Variants in ACAD11 observed in about 807,000 individuals in gnomAD.
ACAD11 encodes acyl-CoA dehydrogenase family member 11.
ACAD11 carries 83 observed loss-of-function variants against 102.2 expected under a neutral mutation model. The ratio of observed to expected loss-of-function variants is 0.81; its 90% CI spans 0.68 to 0.97. ACAD11 has a LOEUF of 0.97. Ranked by LOEUF, ACAD11 falls within the 50% of genes least tolerant of loss-of-function variation. The pLI is 0.00. For missense variants in ACAD11, 901 were observed against 951.7 expected (o/e 0.95, Z 0.70); for synonymous variants, 324 against 319.8 (o/e 1.01, Z -0.14).
intron 17 of ACAD11, among the ~76,000 whole-genome samples, chr3:132,573,104 G>A (rs879629906): frequency 2.3e-4 from 35 of 151,942 alleles, no homozygotes; most frequent in African/African-American, 3.4e-4. Flanking sequence ...AACTGGCCCC[G>A]GTGTGTGTTG....
chr3:132,639,771 A>G, intron 4 of ACAD11, 115 bp from the exon 5 acceptor site: 1 of 901,428 alleles, frequency 1.1e-6, no homozygotes, highest in Non-Finnish European at 1.7e-6. Context: ...CTTAAGACCC[A>G]TGCTGGTGAT....
chr3:132,566,036 C>G (rs1937198061), intron 17 of ACAD11, among the ~76,000 whole-genome samples: 1 of 152,010 alleles, frequency 6.6e-6, no homozygotes, highest in Non-Finnish European at 1.5e-5. Context: ...AATTTTAAAG[C>G]AGCCATGATA....
intron 17 of ACAD11, 36 bp downstream of exon 17, chr3:132,575,736 G>T: frequency 6.2e-7 from 1 of 1,611,180 alleles, no homozygotes; most frequent in Non-Finnish European, 8.5e-7. Context: ...GTAGTGCACC[G>T]GGCTACAATA....
chr3:132,639,990 A>ACT (rs565350090), intron 4 of ACAD11, among the ~76,000 whole-genome samples: 22 of 149,118 alleles, frequency 1.5e-4, no homozygotes, highest in South Asian at 1.3e-3. Flanking sequence ...GCACACACAC[A>ACT]CTCTCTCTCA....
intron 13 of ACAD11, among the ~76,000 whole-genome samples, chr3:132,599,596 GAAGAGTGCAGATT>G (rs1938478421): frequency 6.6e-6 from 1 of 152,164 alleles, no homozygotes; most frequent in Non-Finnish European, 1.5e-5. Flanking sequence ...CAAATGTGTG[GAAGAGTGCAGATT>G]AAGAGGAGAA....
chr3:132,654,926 T>C (rs967433833), intron 1 of ACAD11, among the ~76,000 whole-genome samples: 3 of 152,234 alleles, frequency 2.0e-5, no homozygotes, highest in African/African-American at 7.2e-5. Flanking sequence ...ACACCTGAGC[T>C]CTGTGGTACA....
At chr3:132,568,801 C>CAAA (rs755568917) in intron 17 of ACAD11, among the ~76,000 whole-genome samples, 1,189 of 68,534 alleles carry the variant, frequency 0.017, 136 homozygotes, top group African/African-American at 0.055. Context: ...CATCCACAGG[C>CAAA]AAAAAAAAAA....
chr3:132,639,353 T>A, intron 5 of ACAD11, 139 bp downstream of exon 5: 3 of 703,868 alleles, frequency 4.3e-6, no homozygotes, highest in Non-Finnish European at 6.5e-6. Context: ...TCTAAAAATT[T>A]TGAGTGGTGA....
chr3:132,641,614 A>G (rs879381694), intron 4 of ACAD11, among the ~76,000 whole-genome samples: 1,467 of 137,310 alleles, frequency 0.011, 28 homozygotes, highest in South Asian at 0.044. Flanking sequence ...AGGAGGAAGA[A>G]GAGGAGGAAG....
intron 11 of ACAD11, among the ~76,000 whole-genome samples, chr3:132,610,491 A>G (rs1011722592): frequency 8.5e-5 from 13 of 152,178 alleles, no homozygotes; most frequent in African/African-American, 3.1e-4. Flanking sequence ...TTAATAAAGA[A>G]GAAAAGAGAG....
At chr3:132,624,647 A>G (rs1049556699) in intron 9 of ACAD11, among the ~76,000 whole-genome samples, 1 of 149,632 alleles carries the variant, frequency 6.7e-6, no homozygotes, top group East Asian at 2.0e-4. Flanking sequence ...CTAGGGCACT[A>G]AATCTCATGT....
Position 132,644,875 on chromosome 3 carries a change from G to A in ACAD11, c.171C>T (p.Thr57=), listed in dbSNP as rs780078694. The A allele has an allele frequency of 1.9e-6, 3 of 1,609,144 alleles. No homozygotes were observed. Among genetic ancestry groups the A allele is most frequent in the Non-Finnish European group, 2.5e-6 (3 of 1,178,120 alleles). ...AQYRAGKSNP[T]FYLQKGFQTY... is the part of the protein sequence containing the mutation. ...TTTGAAAGCCCTTCTGGAGATAAAA[G>A]GTTGGATTGGACTTTCCTGCTCTAG... is the stretch of plus-strand genomic sequence containing the variant. Residue 57 remains threonine (T), a synonymous_variant, in exon 2 of 20, where the codon ACC becomes ACT. Coordinates refer to ENST00000264990, the MANE Select transcript of ACAD11 (RefSeq NM_032169.5).
rs111469807 is a variant in ACAD11, at chr3:132,586,491, T to TA, written c.1622-6934dup. ...ATGTACCCTAAAACTTAAAGTGTAA[T>TA]AAAAAAAAAACCACATGCATTAAAT... is the stretch of plus-strand genomic sequence containing the variant. On this transcript the variant is annotated intron_variant, in intron 13 of 19. Coordinates refer to ENST00000264990, the MANE Select transcript of ACAD11 (RefSeq NM_032169.5). Among the ~76,000 whole-genome samples, 711 of 146,926 alleles carry TA rather than the reference T, an allele frequency of 4.8e-3. 5 individuals are homozygous for TA. The highest frequency in any genetic ancestry group is 0.015 in the African/African-American group (591 of 40,102).
At chr3:132,584,915 C>T (rs1432757006) in intron 13 of ACAD11, among the ~76,000 whole-genome samples, 3 of 152,212 alleles carry the variant, frequency 2.0e-5, no homozygotes, top group Admixed American at 6.5e-5. Context: ...AATGGCCATA[C>T]TGCCCAAGGT....
intron 13 of ACAD11, among the ~76,000 whole-genome samples, chr3:132,585,868 C>T (rs369696779): frequency 3.1e-3 from 466 of 152,068 alleles, no homozygotes; most frequent in Non-Finnish European, 4.3e-3. Flanking sequence ...TGTGGAGAAA[C>T]AGGAACACTT....
At position 132,628,559 on chromosome 3, in the gene ACAD11, C is replaced by T. The variant is rs547896803; in HGVS notation, c.964-113G>A. 5.8e-5 allele frequency: 39 copies of T among 671,058 alleles called. No homozygotes were observed. In the East Asian group the frequency reaches 6.6e-4, roughly 11 times the overall value. 41.6% of individuals were successfully genotyped at this position (671,058 alleles called of 1,614,324 possible). A position where few individuals can be genotyped will look rare whatever the true frequency, so the allele number is the denominator to read the frequency against. ...ACATTATACTCACAGGGTATGAAGA[C>T]GTAAAACAGACTATCGACGATATTA... On this transcript the variant is annotated intron_variant, in intron 7 of 19. Transcript: ENST00000264990.
Position 132,568,801 on chromosome 3 carries a change from C to CAAAAAAAAAAAAAAAAAAAAA in ACAD11, c.2001+6950_2001+6970dup, listed in dbSNP as rs755568917. ...GCTGAAGCAATTGGACATCCACAGGCAAAAAAAAAAAAAAAAAAAAAAAAA... is the reference window on the plus strand; with the variant it reads ...GCTGAAGCAATTGGACATCCACAGGCAAAAAAAAAAAAAAAAAAAAAAAAAAAAAAAAAAAAAAAAAAAAAA... On this transcript the variant is annotated intron_variant, in intron 17 of 19. Transcript: ENST00000264990. Among the ~76,000 whole-genome samples, 30 of 68,680 alleles carry CAAAAAAAAAAAAAAAAAAAAA rather than the reference C, an allele frequency of 4.4e-4. 2 individuals carry two copies. Among genetic ancestry groups the CAAAAAAAAAAAAAAAAAAAAA allele is most frequent in the Non-Finnish European group, 6.9e-4 (22 of 31,742 alleles). 45.1% of individuals were successfully genotyped at this position (68,680 alleles called of 152,430 possible).
At chr3:132,655,546 C>T (rs1296440176) in intron 1 of ACAD11, among the ~76,000 whole-genome samples, 3 of 152,222 alleles carry the variant, frequency 2.0e-5, no homozygotes, top group Non-Finnish European at 4.4e-5. Flanking sequence ...CTGGAACACT[C>T]TTTTCCTGGA....
rs527386334 is a variant in ACAD11 at position 132,609,855 on chromosome 3, T to A, written c.1415-4650A>T. Among the ~76,000 whole-genome samples the A allele has an allele frequency of 5.3e-5, 8 of 152,320 alleles. No homozygotes were observed. In the South Asian group the frequency reaches 1.2e-3, roughly 24 times the overall value. On this transcript the variant is annotated intron_variant, in intron 11 of 19. Coordinates refer to ENST00000264990, the MANE Select transcript of ACAD11 (RefSeq NM_032169.5). ...GAAAATTTCAGGCCAATATACCTGA[T>A]GAACATCGAAGTGAAAATCCTCAAT...
Sources: allele counts gnomAD v4.1 joint callset (sites outside exome capture counted in the v4.1 genomes callset), GRCh38; gene constraint gnomAD v4.1.1; transcripts MANE v1.5; gene names NCBI Gene and HGNC (gene_info 2026-07-23, HGNC 2026-07-21).